The following CCSER1 variants were observed in gnomAD, a reference collection of about 807,000 sequenced individuals.
The protein encoded by CCSER1 is serine-rich coiled-coil domain-containing protein 1.
CCSER1 carries 41 observed loss-of-function variants against 82.0 expected under a neutral mutation model. The ratio of observed to expected loss-of-function variants is 0.50; its 90% CI spans 0.39 to 0.65. The LOEUF is 0.65. Among genes scored for constraint, CCSER1 ranks in the 30% least tolerant of loss-of-function variants. The pLI is 0.00. For synonymous variants in CCSER1, 414 were observed against 383.9 expected, an observed-to-expected ratio of 1.08 and a Z score of -0.92; for missense variants, 1,119 against 1,064.2, an observed-to-expected ratio of 1.05 and a Z score of -0.72.
At chr4:90,565,024 A>T (rs1779201038) in intron 5 of CCSER1, among the ~76,000 whole-genome samples, 1 of 149,996 alleles carries the variant, frequency 6.7e-6, no homozygotes, top group African/African-American at 2.5e-5. Context: ...GTGCTCCTAT[A>T]CAAAGTTCAG....
intron 9 of CCSER1, among the ~76,000 whole-genome samples, chr4:90,996,706 C>T (rs1253532390): frequency 6.6e-6 from 1 of 152,046 alleles, no homozygotes; most frequent in East Asian, 1.9e-4. Flanking sequence ...TTATTTTGTT[C>T]TCCATTCTAA....
intron 9 of CCSER1, among the ~76,000 whole-genome samples, chr4:90,948,111 A>G (rs888214928): frequency 2.0e-5 from 3 of 151,982 alleles, no homozygotes; most frequent in African/African-American, 7.2e-5. Context: ...TTGAGTGTAA[A>G]GTGAAATCCT....
chr4:90,690,648 T>A (rs1006989910), intron 6 of CCSER1, among the ~76,000 whole-genome samples: 2 of 152,108 alleles, frequency 1.3e-5, no homozygotes, highest in African/African-American at 2.4e-5. Flanking sequence ...ACCCGGTCAA[T>A]GAGACCATAT....
chr4:90,866,973 C>T (rs1344488157), intron 8 of CCSER1, among the ~76,000 whole-genome samples: 1 of 152,192 alleles, frequency 6.6e-6, no homozygotes, highest in East Asian at 1.9e-4. Flanking sequence ...GCCAACTGCT[C>T]ACCTCCTGTT....
chr4:91,164,296 T>A (rs1285082220), intron 10 of CCSER1, among the ~76,000 whole-genome samples: 2 of 152,230 alleles, frequency 1.3e-5, no homozygotes, highest in Non-Finnish European at 2.9e-5. Context: ...TGCTGAGGGA[T>A]CTACTGTTAG....
At chr4:91,397,326 G>A (rs980208399) in intron 10 of CCSER1, among the ~76,000 whole-genome samples, 13 of 151,908 alleles carry the variant, frequency 8.6e-5, no homozygotes, top group African/African-American at 3.1e-4. Context: ...TTTGTATAAG[G>A]ATACATTCCA....
At chr4:90,169,112 G>A (rs1191694885) in intron 1 of CCSER1, among the ~76,000 whole-genome samples, 1 of 151,990 alleles carries the variant, frequency 6.6e-6, no homozygotes, top group Non-Finnish European at 1.5e-5. Flanking sequence ...CCATGAGCAT[G>A]GAATGTTCTT....
intron 4 of CCSER1, among the ~76,000 whole-genome samples, chr4:90,467,382 T>A (rs917873049): frequency 2.0e-5 from 3 of 149,822 alleles, no homozygotes; most frequent in Non-Finnish European, 4.4e-5. Context: ...AGACTCCTTC[T>A]AAAAAAATAA....
At chr4:90,413,873 C>T (rs1233803593) in intron 4 of CCSER1, among the ~76,000 whole-genome samples, 3 of 139,198 alleles carry the variant, frequency 2.2e-5, no homozygotes, top group South Asian at 4.7e-4. Flanking sequence ...GGCGTGAACC[C>T]GGGAGGTGGA....
intron 6 of CCSER1, among the ~76,000 whole-genome samples, chr4:90,686,062 G>A (rs1337012010): frequency 6.6e-6 from 1 of 152,094 alleles, no homozygotes; most frequent in Non-Finnish European, 1.5e-5. Context: ...GAGGCTTACA[G>A]TTACCTTGAT....
At chr4:91,505,202 T>G (rs1759421800) in intron 10 of CCSER1, among the ~76,000 whole-genome samples, 2 of 152,226 alleles carry the variant, frequency 1.3e-5, no homozygotes, top group Admixed American at 6.5e-5. Context: ...GTGTTTGGTT[T>G]TCTGTTCCTC....
At chr4:90,546,972 C>A (rs6815696) in intron 5 of CCSER1, among the ~76,000 whole-genome samples, 43,591 of 151,778 alleles carry the variant, frequency 0.29, 9,342 homozygotes, top group African/African-American at 0.59. Flanking sequence ...AGTGTTCTCT[C>A]TGTGAATATT....
intron 9 of CCSER1, among the ~76,000 whole-genome samples, chr4:90,934,244 A>G (rs1730644129): frequency 6.6e-6 from 1 of 152,120 alleles, no homozygotes; most frequent in African/African-American, 2.4e-5. Context: ...ACAAAATTAT[A>G]TTACTATTTT....
In CCSER1 at chr4:90,551,706, C is replaced by CTCTCTCTATA; in HGVS notation, c.1725-76318_1725-76317insCTCTCTATAT. On this transcript the variant is annotated intron_variant, in intron 5 of 10. Transcript: ENST00000509176. The stretch of plus-strand genomic sequence containing the variant: ...TCTCTCTCTCTCTCTCTCTCTCTCT[C>CTCTCTCTATA]TATATATATATATATATATATGTAA... Among the ~76,000 whole-genome samples, 906 of 104,190 alleles carry CTCTCTCTATA rather than the reference C, an allele frequency of 8.7e-3. 9 individuals carry two copies. The highest frequency in any genetic ancestry group is 0.015 in the South Asian group (39 of 2,524). 68.4% of individuals were successfully genotyped at this position (104,190 alleles called of 152,430 possible).
intron 10 of CCSER1, among the ~76,000 whole-genome samples, chr4:91,452,506 T>C (rs1433148074): frequency 6.6e-6 from 1 of 152,038 alleles, no homozygotes; most frequent in Non-Finnish European, 1.5e-5. Context: ...AAAGCACATA[T>C]GTCAAGCAAA....
chr4:90,383,587 T>C (rs1749550124), intron 3 of CCSER1, among the ~76,000 whole-genome samples: 1 of 151,924 alleles, frequency 6.6e-6, no homozygotes, highest in Non-Finnish European at 1.5e-5. Context: ...ACCTGTAGTA[T>C]TACCAAAGGC....
intron 8 of CCSER1, chr4:90,918,184 C>G (rs1364356474): frequency 2.3e-6 from 1 of 436,072 alleles, no homozygotes; most frequent in Non-Finnish European, 4.6e-6. Flanking sequence ...ATACTAGTGT[C>G]TGTTAATTGT....
At chr4:90,344,218 T>C (rs1020252537) in intron 3 of CCSER1, among the ~76,000 whole-genome samples, 2 of 152,232 alleles carry the variant, frequency 1.3e-5, no homozygotes, top group Non-Finnish European at 2.9e-5. Flanking sequence ...GATGAAAGGA[T>C]GCCACTCTTT....
intron 10 of CCSER1, among the ~76,000 whole-genome samples, chr4:91,148,512 T>A (rs1343864254): frequency 6.6e-6 from 1 of 152,126 alleles, no homozygotes; most frequent in East Asian, 1.9e-4. Context: ...TACTTTAAGT[T>A]CCAGGGTTCA....
Sources: allele counts gnomAD v4.1 joint callset (sites outside exome capture counted in the v4.1 genomes callset), GRCh38; gene constraint gnomAD v4.1.1; transcripts MANE v1.5; gene names NCBI Gene and HGNC (gene_info 2026-07-23, HGNC 2026-07-21).